The following GRAMD1B variants were observed in gnomAD, a reference collection of about 807,000 sequenced individuals.
The protein encoded by GRAMD1B is protein Aster-B.
GRAMD1B carries 37 observed loss-of-function variants against 99.7 expected under a neutral mutation model. The ratio of observed to expected loss-of-function variants is 0.37; its 90% CI spans 0.29 to 0.49. The LOEUF is 0.49. Among genes scored for constraint, GRAMD1B ranks in the 20% least tolerant of loss-of-function variants. The pLI is 0.98. For synonymous variants in GRAMD1B, 427 were observed against 387.6 expected (o/e 1.10, Z -1.19); for missense variants, 888 against 1,009.2 (o/e 0.88, Z 1.63).
At chr11:123,487,928 A>G (rs1938054855) in intron 2 of GRAMD1B, among the ~76,000 whole-genome samples, 1 of 152,152 alleles carries the variant, frequency 6.6e-6, no homozygotes, top group Non-Finnish European at 1.5e-5. Context: ...ATGTTGAGAA[A>G]CTGAGCACCC....
chr11:123,516,242 A>G lies in GRAMD1B; in HGVS notation c.452+35349A>G, dbSNP rs138356365. ...CATTTACTGAATAGCGCTGGTCACAAAATGGATGGAAGCTGAACCCTTTGG... is the reference window on the plus strand; with the variant it reads ...CATTTACTGAATAGCGCTGGTCACAGAATGGATGGAAGCTGAACCCTTTGG... On this transcript the variant is annotated intron_variant, in intron 2 of 19. Coordinates refer to ENST00000635736, the MANE Select transcript of GRAMD1B (RefSeq NM_001387025.1). Among the ~76,000 whole-genome samples, 97 of 152,342 alleles carry G rather than the reference A, an allele frequency of 6.4e-4. No individual in the cohort carries two copies. In the East Asian group the frequency reaches 0.016, roughly 26 times the overall value.
intron 1 of GRAMD1B, among the ~76,000 whole-genome samples, chr11:123,420,204 C>T (rs958324792): frequency 1.3e-4 from 20 of 152,178 alleles, no homozygotes; most frequent in Admixed American, 2.6e-4. Flanking sequence ...GAGACTTAGG[C>T]TCTGCAGTTT....
In GRAMD1B at chr11:123,618,789, G is replaced by C. The variant is rs947730358; in HGVS notation, c.2415G>C (p.Arg805Ser). 3 of 1,543,930 alleles carry C rather than the reference G, an allele frequency of 1.9e-6. No individual in the cohort carries two copies. The highest frequency in any genetic ancestry group is 1.4e-5 in the African/African-American group (1 of 73,198). Reference sequence around the variant, plus strand: ...CCCTCACTGCCTGGCAGGGTCTAAGGCTCCAAGAAAGGTAATCCTGGCCTC... The same window carrying C: ...CCCTCACTGCCTGGCAGGGTCTAAGCCTCCAAGAAAGGTAATCCTGGCCTC... ...TQTLTAWQGL[R>S]LQERLPQSQT... Residue 805 changes from arginine to serine, a missense_variant, in exon 18 of 20, where the codon AGG becomes AGC. Arg to Ser is a moderately radical substitution (Grantham distance 110). Around this residue, in one of 5 missense-constraint regions of GRAMD1B, gnomAD observed 232 missense variants for 261.7 expected, o/e 0.89. Coordinates refer to ENST00000635736, the MANE Select transcript of GRAMD1B (RefSeq NM_001387025.1).
chr11:123,561,547 C>G (rs1293683557), intron 2 of GRAMD1B, among the ~76,000 whole-genome samples: 1 of 152,238 alleles, frequency 6.6e-6, no homozygotes, highest in Non-Finnish European at 1.5e-5. Context: ...CACCTCCTTG[C>G]ATTGTTAGTT....
intron 2 of GRAMD1B, among the ~76,000 whole-genome samples, chr11:123,506,012 C>T (rs1940388595): frequency 6.6e-6 from 1 of 152,192 alleles, no homozygotes; most frequent in Admixed American, 6.5e-5. Flanking sequence ...ACAATCAGCA[C>T]CCAGACTCTG....
At chr11:123,457,892 T>C (rs1019687037) in intron 1 of GRAMD1B, among the ~76,000 whole-genome samples, 3 of 152,060 alleles carry the variant, frequency 2.0e-5, no homozygotes, top group Non-Finnish European at 4.4e-5. Flanking sequence ...TTTCTCCACT[T>C]TTTTGTAGAG....
Position 123,587,276 on chromosome 11 carries a change from C to T in GRAMD1B, c.684+2944C>T, listed in dbSNP as rs1014798343. Among the ~76,000 whole-genome samples the T allele has an allele frequency of 6.6e-6, 1 of 152,132 alleles. No homozygotes were observed. The highest frequency in any genetic ancestry group is 1.5e-5 in the Non-Finnish European group (1 of 68,034). On this transcript the variant is annotated intron_variant, in intron 4 of 19. Transcript: ENST00000635736. The surrounding 1 kb of genome is among the most constrained non-coding windows in gnomAD (Gnocchi z 4.2). ...AGGCCATAGCAGGAGAGTGTCAGGT[C>T]CAGAGTGGGGTTTGAAGGCAGTGCC...
intron 2 of GRAMD1B, among the ~76,000 whole-genome samples, chr11:123,528,863 G>T (rs960229665): frequency 6.6e-6 from 1 of 152,142 alleles, no homozygotes; most frequent in African/African-American, 2.4e-5. Context: ...AGTGAGATTT[G>T]ATTAAATTAA....
chr11:123,558,449 A>G lies in GRAMD1B; in HGVS notation c.453-18918A>G, dbSNP rs146389159. On this transcript the variant is annotated intron_variant, in intron 2 of 19. Transcript: ENST00000635736. ...CTGTAAGGGCAGGGGCAGGAGAGGTACCCAACCGTTCTCGGGTGCTTTCAC... is the reference window on the plus strand; with the variant it reads ...CTGTAAGGGCAGGGGCAGGAGAGGTGCCCAACCGTTCTCGGGTGCTTTCAC... 1.5e-3 allele frequency among the ~76,000 whole-genome samples: 224 copies of G among 152,332 alleles called. 1 individual carries two copies. The highest frequency in any genetic ancestry group is 5.8e-4 in the East Asian group (3 of 5,180).
chr11:123,585,761 AG>A (rs36102235), intron 4 of GRAMD1B, among the ~76,000 whole-genome samples: 1 of 152,180 alleles, frequency 6.6e-6, no homozygotes, highest in Non-Finnish European at 1.5e-5. Context: ...AGGCCCCCAT[AG>A]GGGAACAGGA....
At chr11:123,449,431 G>A (rs1316102839) in intron 1 of GRAMD1B, among the ~76,000 whole-genome samples, 1 of 152,288 alleles carries the variant, frequency 6.6e-6, no homozygotes, top group African/African-American at 2.4e-5. Context: ...AAAGCAAGGA[G>A]TCCTCTTGAA....
At chr11:123,524,206 GAC>G (rs1043257496) in intron 2 of GRAMD1B, among the ~76,000 whole-genome samples, 1 of 152,058 alleles carries the variant, frequency 6.6e-6, no homozygotes, top group Non-Finnish European at 1.5e-5. Context: ...ATTGCTGAAT[GAC>G]ACACAGTCCT....
chr11:123,603,569 GA>G, intron 9 of GRAMD1B, 28 bp downstream of exon 9: 3 of 1,376,896 alleles, frequency 2.2e-6, no homozygotes, highest in Non-Finnish European at 3.1e-6. Flanking sequence ...CGGCTGCCCA[GA>G]GGCAGCCGTG....
At chr11:123,593,479 G>C (rs1189037629) in intron 4 of GRAMD1B, among the ~76,000 whole-genome samples, 1 of 152,106 alleles carries the variant, frequency 6.6e-6, no homozygotes, top group Non-Finnish European at 1.5e-5. Flanking sequence ...TGTAAGGATT[G>C]GTTTAGATAA....
intron 1 of GRAMD1B, among the ~76,000 whole-genome samples, chr11:123,416,264 C>CT (rs1397456248): frequency 3.3e-5 from 5 of 152,086 alleles, no homozygotes; most frequent in Non-Finnish European, 5.9e-5. Context: ...AAAATGCCAT[C>CT]TTTTAACTTC....
intron 2 of GRAMD1B, among the ~76,000 whole-genome samples, chr11:123,484,861 C>A (rs1472746784): frequency 6.6e-6 from 1 of 152,138 alleles, no homozygotes; most frequent in Non-Finnish European, 1.5e-5. Context: ...TTCTTCCTAC[C>A]CAGTTAAGAG....
intron 1 of GRAMD1B, among the ~76,000 whole-genome samples, chr11:123,473,496 C>T (rs1951114351): frequency 6.6e-6 from 1 of 152,150 alleles, no homozygotes. Flanking sequence ...GGTCTCAAAA[C>T]TCCCGGGCTC....
At chr11:123,533,092 C>T (rs908458128) in intron 2 of GRAMD1B, among the ~76,000 whole-genome samples, 2 of 152,204 alleles carry the variant, frequency 1.3e-5, no homozygotes, top group African/African-American at 4.8e-5. Flanking sequence ...GCCTCAGCCT[C>T]CCGAGTAGCT....
chr11:123,524,598 C>G (rs1017170188), intron 2 of GRAMD1B, among the ~76,000 whole-genome samples: 1 of 152,132 alleles, frequency 6.6e-6, no homozygotes, highest in Non-Finnish European at 1.5e-5. Flanking sequence ...CCTTGGGCTC[C>G]CAAAGTGCTG....
Sources: gnomAD v4.1 joint callset for allele counts (sites outside exome capture counted in the v4.1 genomes callset) on GRCh38, gnomAD v4.1.1 for gene constraint, gnomAD v4.1.1 regional missense constraint, Gnocchi (gnomAD v3.1) non-coding constraint, MANE v1.5 for transcripts, NCBI Gene and HGNC (gene_info 2026-07-23, HGNC 2026-07-21) for gene names.